EPHA7: variants seen among roughly 807,000 people sequenced by gnomAD.
EPHA7 encodes EPH receptor A7, also known as ephrin type-A receptor 7.
In EPHA7, 25 loss-of-function variants were observed where a neutral mutation model predicts 112.6. The ratio of observed to expected loss-of-function variants is 0.22; its 90% confidence interval spans 0.16 to 0.31. The LOEUF (loss-of-function observed/expected upper bound fraction) is 0.31, where lower values mean the gene tolerates loss of function less well. EPHA7 is among the 10% of genes least tolerant of loss of function. The pLI, the probability that EPHA7 is intolerant of heterozygous loss-of-function variation, is 1.00. For synonymous variants in EPHA7, 437 were observed against 406.5 expected, an observed-to-expected ratio of 1.07 and a Z score of -0.90; for missense variants, 962 against 1,212.6, an observed-to-expected ratio of 0.79 and a Z score of 3.07.
At chr6:93,364,169 G>C (rs1776390464) in intron 3 of EPHA7, among the ~76,000 whole-genome samples, 1 of 152,036 alleles carries the variant, frequency 6.6e-6, no homozygotes, top group East Asian at 1.9e-4. Context: ...TCCATATATT[G>C]TACACTTTAA....
intron 3 of EPHA7, among the ~76,000 whole-genome samples, chr6:93,399,933 C>G (rs988696397): frequency 2.6e-5 from 4 of 151,930 alleles, no homozygotes; most frequent in Non-Finnish European, 5.9e-5. Flanking sequence ...ATCTTTAAGG[C>G]ACACTCAAAC....
intron 5 of EPHA7, among the ~76,000 whole-genome samples, chr6:93,341,075 G>A (rs926817280): frequency 6.6e-6 from 1 of 151,880 alleles, no homozygotes; most frequent in African/African-American, 2.4e-5. Flanking sequence ...TGCTGGGTAA[G>A]CATTATAACC....
intron 14 of EPHA7, among the ~76,000 whole-genome samples, chr6:93,247,315 T>C (rs1769997570): frequency 6.6e-6 from 1 of 152,182 alleles, no homozygotes; most frequent in South Asian, 2.1e-4. Context: ...TGTATATCTT[T>C]GTGAGTATCC....
chr6:93,320,883 T>C (rs1327356228), intron 5 of EPHA7, among the ~76,000 whole-genome samples: 2 of 151,938 alleles, frequency 1.3e-5, no homozygotes, highest in African/African-American at 4.8e-5. Context: ...AAGTCAGAAA[T>C]TTTCAAAAAT....
intron 10 of EPHA7, 107 bp downstream of exon 10, chr6:93,259,247 G>T: frequency 1.4e-6 from 2 of 1,402,916 alleles, no homozygotes; most frequent in Admixed American, 2.0e-5. Context: ...TCAGGTAAAT[G>T]CAAAAGTTCT....
At chr6:93,306,108 T>C (rs1165529429) in intron 5 of EPHA7, among the ~76,000 whole-genome samples, 3 of 152,136 alleles carry the variant, frequency 2.0e-5, no homozygotes, top group Non-Finnish European at 4.4e-5. Context: ...AGTCCAAACA[T>C]GTCTCTAACT....
intron 6 of EPHA7, among the ~76,000 whole-genome samples, chr6:93,269,953 T>C (rs1486444117): frequency 2.0e-5 from 3 of 151,766 alleles, no homozygotes; most frequent in Non-Finnish European, 2.9e-5. Flanking sequence ...TATAATAAAA[T>C]ATCCTATTGG....
At chr6:93,404,619 T>C (rs903080567) in intron 3 of EPHA7, among the ~76,000 whole-genome samples, 3 of 142,712 alleles carry the variant, frequency 2.1e-5, no homozygotes, top group African/African-American at 8.5e-5. Flanking sequence ...ATACATATAA[T>C]CATATATATA....
intron 12 of EPHA7, among the ~76,000 whole-genome samples, chr6:93,256,929 C>T (rs1352000658): frequency 6.6e-6 from 1 of 151,944 alleles, no homozygotes; most frequent in Non-Finnish European, 1.5e-5. Context: ...AGTTAAAAAG[C>T]CTCTGAGAAT....
intron 5 of EPHA7, among the ~76,000 whole-genome samples, chr6:93,286,914 C>T (rs1239777959): frequency 1.3e-5 from 2 of 152,082 alleles, no homozygotes; most frequent in Admixed American, 6.5e-5. Flanking sequence ...TACTAGATGG[C>T]ATATATAATA....
chr6:93,384,220 T>C (rs1441301243), intron 3 of EPHA7, among the ~76,000 whole-genome samples: 1 of 152,138 alleles, frequency 6.6e-6, no homozygotes, highest in Non-Finnish European at 1.5e-5. Context: ...TAGTTCTACC[T>C]CCATAATGTG....
intron 5 of EPHA7, among the ~76,000 whole-genome samples, chr6:93,322,238 A>C (rs1369645674): frequency 4.0e-5 from 6 of 151,810 alleles, no homozygotes; most frequent in Admixed American, 3.9e-4. Context: ...ATACTATATA[A>C]TTTACACTGT....
rs575403426 is a variant in EPHA7 at position 93,304,354 on chromosome 6, A to T, written c.1325-31932T>A. ...TTCTATTGGACTGTTTGTATTTACAAGGTAAACTAACGGAGTTGTGCAGAA... is the reference window on the plus strand; with the variant it reads ...TTCTATTGGACTGTTTGTATTTACATGGTAAACTAACGGAGTTGTGCAGAA... On this transcript the variant is annotated intron_variant, in intron 5 of 16. Coordinates refer to ENST00000369303, the MANE Select transcript of EPHA7 (RefSeq NM_004440.4). Among the ~76,000 whole-genome samples, 48 of 152,104 alleles carry T rather than the reference A, an allele frequency of 3.2e-4. 2 individuals carry two copies. The highest frequency in any genetic ancestry group is 6.8e-3 in the Middle Eastern group (2 of 294).
At chr6:93,266,049 T>C (rs567652236) in intron 7 of EPHA7, among the ~76,000 whole-genome samples, 15 of 151,774 alleles carry the variant, frequency 9.9e-5, no homozygotes, top group African/African-American at 3.4e-4. Flanking sequence ...ATTTATCACC[T>C]GCTGAATTGC....
intron 3 of EPHA7, among the ~76,000 whole-genome samples, chr6:93,360,108 A>G (rs2127949257): frequency 6.6e-6 from 1 of 152,248 alleles, no homozygotes; most frequent in East Asian, 1.9e-4. Context: ...AATAGCAATT[A>G]TTGCAAATAT....
intron 1 of EPHA7, among the ~76,000 whole-genome samples, chr6:93,416,202 T>C (rs1181256674): frequency 1.3e-5 from 2 of 152,240 alleles, no homozygotes; most frequent in African/African-American, 4.8e-5. Context: ...GATAAATCGT[T>C]GGACTAGCGA....
Position 93,357,058 on chromosome 6 carries a change from G to A in EPHA7, c.989-6C>T, listed in dbSNP as rs1239740546. 2 of 1,578,804 alleles carry A rather than the reference G, an allele frequency of 1.3e-6. No individual in the cohort carries two copies. The highest frequency in any genetic ancestry group is 1.7e-6 in the Non-Finnish European group (2 of 1,163,652). On this transcript the variant is annotated splice_polypyrimidine_tract_variant and splice_region_variant and intron_variant, in intron 4 of 16. Transcript: ENST00000369303. ...CTGTGGTGCAGATGGAGGCCCTTGG[G>A]AAACCAAGAATAAATAAGTAAATAA... is the stretch of plus-strand genomic sequence containing the variant.
intron 5 of EPHA7, among the ~76,000 whole-genome samples, chr6:93,291,699 C>A (rs964859716): frequency 1.6e-5 from 2 of 126,170 alleles, no homozygotes; most frequent in Middle Eastern, 0.011. Flanking sequence ...ACCCGGGAGG[C>A]GGAGCTGGCA....
chr6:93,326,047 T>G (rs184311995), intron 5 of EPHA7, among the ~76,000 whole-genome samples: 4 of 151,578 alleles, frequency 2.6e-5, no homozygotes, highest in Admixed American at 1.3e-4. Flanking sequence ...AACTGCCTGC[T>G]GTGTTCACCA....
Sources: gnomAD v4.1 joint callset for allele counts (sites outside exome capture counted in the v4.1 genomes callset) on GRCh38, gnomAD v4.1.1 for gene constraint, MANE v1.5 for transcripts, NCBI Gene and HGNC (gene_info 2026-07-23, HGNC 2026-07-21) for gene names.